The following MOG variants were observed in gnomAD, a reference collection of about 807,000 sequenced individuals.
MOG encodes myelin-oligodendrocyte glycoprotein.
In MOG, 20 loss-of-function variants were observed where a neutral mutation model predicts 35.9. The ratio of observed to expected loss-of-function variants is 0.56; its 90% CI spans 0.39 to 0.81. The LOEUF is 0.81. MOG is among the 30% of genes least tolerant of loss of function. The pLI is 0.00. For synonymous variants in MOG, 92 were observed against 114.3 expected (o/e 0.80, Z 1.25); for missense variants, 251 against 301.0 (o/e 0.83, Z 1.23).
In MOG at chr6:29,664,167, C is replaced by A. The variant is rs542375040; in HGVS notation, c.437-1985C>A. Among the ~76,000 whole-genome samples, 3 of 152,040 alleles carry A rather than the reference C, an allele frequency of 2.0e-5. No homozygotes were observed. The East Asian group carries it at 5.8e-4, about 29-fold the overall frequency. On this transcript the variant is annotated intron_variant, in intron 2 of 7. Coordinates refer to ENST00000376917, the MANE Select transcript of MOG (RefSeq NM_206809.4). ...CTGCACATCTGTTCAGTTACTGAATCCTGTGTAAGCTACCTTCTTTTTCTT... is the reference window on the plus strand; with the variant it reads ...CTGCACATCTGTTCAGTTACTGAATACTGTGTAAGCTACCTTCTTTTTCTT...
In MOG at chr6:29,659,107, C is replaced by T. The variant is rs578030188; in HGVS notation, c.89-212C>T. Among the ~76,000 whole-genome samples, 22 of 151,442 alleles carry T rather than the reference C, an allele frequency of 1.5e-4. No homozygotes were observed. The East Asian group carries it at 3.7e-3, about 25-fold the overall frequency. ...TTGCACCACTGCACTCCAGCCTGGGCGACAGAGAGTAAGACTGTCTCAAAA... is the reference window on the plus strand; with the variant it reads ...TTGCACCACTGCACTCCAGCCTGGGTGACAGAGAGTAAGACTGTCTCAAAA... On this transcript the variant is annotated intron_variant, in intron 1 of 7. Transcript: ENST00000376917.
chr6:29,666,257 G>A lies in MOG; in HGVS notation c.542G>A (p.Arg181Lys). Reference protein sequence around the residue: ...VGLIFLCLQYRLRGKLRAEIE... With the variant: ...VGLIFLCLQYKLRGKLRAEIE... The stretch of plus-strand genomic sequence containing the variant: ...CTCATCTTCCTCTGCCTGCAGTACA[G>A]ACTGAGAGGTACAGGGCAGAGGGTG... The change falls in exon 3 of 8, where the codon AGA (arginine) becomes AAA (lysine). Residue 181 changes from arginine to lysine, a missense_variant. Coordinates refer to ENST00000376917, the MANE Select transcript of MOG (RefSeq NM_206809.4). The A allele has an allele frequency of 6.3e-7, 1 of 1,596,356 alleles. No individual in the cohort carries two copies. Among genetic ancestry groups the A allele is most frequent in the Non-Finnish European group, 8.6e-7 (1 of 1,164,872 alleles).
Position 29,662,408 on chromosome 6 carries a change from G to A in MOG, c.436+2742G>A, listed in dbSNP as rs1340171737. On this transcript the variant is annotated intron_variant, in intron 2 of 7. Transcript: ENST00000376917. This position sits in a 1 kb window ranked among gnomAD's most constrained non-coding sequence, Gnocchi z 4.2. ...CTGAGGCAGGAGAATCGCTTGAACC[G>A]GGAGGCAGAGGTTGCGGTGAGCCAA... Among the ~76,000 whole-genome samples the A allele has an allele frequency of 5.9e-5, 9 of 151,916 alleles. No individual in the cohort carries two copies. The highest frequency in any genetic ancestry group is 1.9e-4 in the East Asian group (1 of 5,172).
chr6:29,659,616 T>A lies in MOG; in HGVS notation c.386T>A (p.Phe129Tyr). 2 of 1,613,138 alleles carry A rather than the reference T, an allele frequency of 1.2e-6. No homozygotes were observed. Among genetic ancestry groups the A allele is most frequent in the Non-Finnish European group, 1.7e-6 (2 of 1,180,022 alleles). The change falls in exon 2 of 8, where the codon TTC becomes TAC. Residue 129 changes from phenylalanine to tyrosine, a missense_variant. Transcript: ENST00000376917. Reference sequence around the variant, plus strand: ...GATGAAGGAGGTTTCACCTGCTTCTTCCGAGATCATTCTTACCAAGAGGAG... The same window carrying A: ...GATGAAGGAGGTTTCACCTGCTTCTACCGAGATCATTCTTACCAAGAGGAG... ...FSDEGGFTCFFRDHSYQEEAA... is the reference protein window; with the variant it reads ...FSDEGGFTCFYRDHSYQEEAA...
intron 1 of MOG, among the ~76,000 whole-genome samples, chr6:29,658,181 A>G (rs1214639696): frequency 2.0e-5 from 3 of 152,306 alleles, no homozygotes; most frequent in Middle Eastern, 3.4e-3. Flanking sequence ...TGCTCTGCAT[A>G]ATCAGGCACC....
At position 29,671,646 on chromosome 6, in the gene MOG, G is replaced by C; in HGVS notation, c.*461G>C. Reference sequence around the variant, plus strand: ...CTGAAAGGCATGTGAAGGGAAGGAAGAGGAAGAGTGCAAAACATTGAAGAG... The same window carrying C: ...CTGAAAGGCATGTGAAGGGAAGGAACAGGAAGAGTGCAAAACATTGAAGAG... On this transcript the variant is annotated 3_prime_UTR_variant, in exon 8 of 8. Coordinates refer to ENST00000376917, the MANE Select transcript of MOG (RefSeq NM_206809.4). 1 of 625,342 alleles carries C rather than the reference G, an allele frequency of 1.6e-6. No homozygotes were observed. The highest frequency in any genetic ancestry group is 1.9e-5 in the South Asian group (1 of 53,056). The allele number at this position is 625,342 out of a possible 1,614,324, so 38.7% of individuals were successfully genotyped here.
rs181391598 is a variant in MOG, at chr6:29,664,951, A to G, written c.437-1201A>G. ...ATACACCAAATAAAACATTTATACC[A>G]AAATACAGTTATCAAAATATTAAAT... On this transcript the variant is annotated intron_variant, in intron 2 of 7. Coordinates refer to ENST00000376917, the MANE Select transcript of MOG (RefSeq NM_206809.4). 1.7e-3 allele frequency among the ~76,000 whole-genome samples: 266 copies of G among 152,220 alleles called. 1 individual carries two copies. The highest frequency in any genetic ancestry group is 0.014 in the Middle Eastern group (4 of 294).
chr6:29,666,679 A>G (rs1770288182), intron 3 of MOG, among the ~76,000 whole-genome samples: 1 of 152,194 alleles, frequency 6.6e-6, no homozygotes, highest in Admixed American at 6.5e-5. Context: ...TTTTGAATAA[A>G]GATACTGAAG....
chr6:29,671,141 C>T lies in MOG; in HGVS notation c.731-31C>T, dbSNP rs776449715. On this transcript the variant is annotated intron_variant, in intron 7 of 7. Coordinates refer to ENST00000376917, the MANE Select transcript of MOG (RefSeq NM_206809.4). ...TTTTATGATACAAACTACTGACATA[C>T]GTTTTTCAAGTTATTTTCTCCTTCT... 4.3e-6 allele frequency: 7 copies of T among 1,612,808 alleles called. No individual in the cohort carries two copies. The South Asian group carries it at 5.5e-5, about 13-fold the overall frequency.
chr6:29,660,247 C>T (rs986826289), intron 2 of MOG, among the ~76,000 whole-genome samples: 2 of 151,842 alleles, frequency 1.3e-5, no homozygotes, highest in Admixed American at 6.6e-5. Flanking sequence ...TTGGGCCCAG[C>T]GCCGTGGCTC....
intron 2 of MOG, among the ~76,000 whole-genome samples, chr6:29,664,219 T>A (rs1338710458): frequency 6.6e-6 from 1 of 151,878 alleles, no homozygotes; most frequent in Non-Finnish European, 1.5e-5. Context: ...TATTTATTTT[T>A]TTTTTGAGAT....
chr6:29,664,591 T>C (rs1361482840), intron 2 of MOG: 6 of 449,646 alleles, frequency 1.3e-5, no homozygotes, highest in Non-Finnish European at 8.9e-6. Flanking sequence ...ATGAAGTTGA[T>C]AGACCCATCT....
Position 29,670,325 on chromosome 6 carries a change from GTAA to G in MOG, c.639_641del (p.Ile214del). The G allele has an allele frequency of 6.2e-7, 1 of 1,614,182 alleles. No homozygotes were observed. The highest frequency in any genetic ancestry group is 1.1e-5 in the South Asian group (1 of 91,078). On this transcript the variant is annotated inframe_deletion, in exon 6 of 8. Transcript: ENST00000376917. The surrounding 1 kb of genome is among the most constrained non-coding windows in gnomAD (Gnocchi z 4.2). ...GCCCTGCTGGAAGATAACCCTGTTT[GTAA>G]TTGTGCCGGTTCTTGGACCCTTGGT...
intron 2 of MOG, chr6:29,663,841 A>T (rs1769496536): frequency 6.1e-6 from 3 of 490,698 alleles, no homozygotes; most frequent in Non-Finnish European, 7.9e-6. Flanking sequence ...CCTAGGGAAC[A>T]CAATGATAGA....
intron 3 of MOG, 47 bp from the exon 4 acceptor site, chr6:29,667,596 A>C: frequency 6.2e-7 from 1 of 1,612,890 alleles, no homozygotes; most frequent in Non-Finnish European, 8.5e-7. Context: ...GTCCCCACCG[A>C]GAGCCAGAAC....
rs752019554 is a variant in MOG at position 29,659,514 on chromosome 6, G to T, written c.284G>T (p.Arg95Leu). Residue 95 changes from arginine to leucine, a missense_variant, in exon 2 of 8, where the codon CGG becomes CTG. Arg to Leu is a moderately radical substitution (Grantham distance 102). Transcript: ENST00000376917. ...GATGGAGACCAGGCACCTGAATATC[G>T]GGGCCGGACAGAGCTGCTGAAAGAT... The part of the protein sequence containing the change: ...DQDGDQAPEY[R>L]GRTELLKDAI... 1 of 1,613,034 alleles carries T rather than the reference G, an allele frequency of 6.2e-7. No homozygotes were observed. The highest frequency in any genetic ancestry group is 2.2e-5 in the East Asian group (1 of 44,886).
At chr6:29,660,582 AC>A in intron 2 of MOG, among the ~76,000 whole-genome samples, 3 of 148,806 alleles carry the variant, frequency 2.0e-5, no homozygotes, top group African/African-American at 7.5e-5. Context: ...ACACACACAC[AC>A]ACACACCTGT....
chr6:29,666,271 G>C lies in MOG; in HGVS notation c.550+6G>C. The C allele has an allele frequency of 6.5e-7, 1 of 1,542,398 alleles. No homozygotes were observed. The highest frequency in any genetic ancestry group is 9.0e-7 in the Non-Finnish European group (1 of 1,115,678). On this transcript the variant is annotated splice_donor_region_variant and intron_variant, in intron 3 of 7. Coordinates refer to ENST00000376917, the MANE Select transcript of MOG (RefSeq NM_206809.4). ...CCTGCAGTACAGACTGAGAGGTACA[G>C]GGCAGAGGGTGGGTGGATCAGGATC...
intron 1 of MOG, among the ~76,000 whole-genome samples, chr6:29,657,756 G>A (rs559100103): frequency 7.8e-5 from 11 of 140,906 alleles, no homozygotes; most frequent in Non-Finnish European, 1.1e-4. Flanking sequence ...TGATCCGCCC[G>A]CCTCAGCTTC....
Sources: gnomAD v4.1 joint callset for allele counts (sites outside exome capture counted in the v4.1 genomes callset) on GRCh38, gnomAD v4.1.1 for gene constraint, Gnocchi (gnomAD v3.1) non-coding constraint, MANE v1.5 for transcripts, NCBI Gene and HGNC (gene_info 2026-07-23, HGNC 2026-07-21) for gene names.